BACH2: variants seen among roughly 807,000 people sequenced by gnomAD.
BACH2 encodes the protein transcription regulator protein BACH2.
A neutral mutation model predicts 61.8 loss-of-function variants in BACH2; 5 were observed. That is an observed-to-expected ratio of 0.08 (90% confidence interval 0.04 to 0.17). The LOEUF is 0.17. Among genes scored for constraint, BACH2 ranks in the 10% least tolerant of loss-of-function variants. BACH2 has a pLI of 1.00. For synonymous variants in BACH2, 446 were observed against 440.1 expected (o/e 1.01, Z -0.17); for missense variants, 824 against 1,091.1 (o/e 0.76, Z 3.45).
intron 1 of BACH2, among the ~76,000 whole-genome samples, chr6:90,280,117 T>C (rs1771813870): frequency 6.6e-6 from 1 of 152,156 alleles, no homozygotes; most frequent in African/African-American, 2.4e-5. Context: ...ATGGACTATG[T>C]ATAAGAAGAA....
chr6:90,137,670 T>C lies in BACH2; in HGVS notation c.-161-48561A>G, dbSNP rs556899900. 3.9e-5 allele frequency among the ~76,000 whole-genome samples: 6 copies of C among 152,348 alleles called. No individual in the cohort carries two copies. The South Asian group carries it at 1.2e-3, about 32-fold the overall frequency. On this transcript the variant is annotated intron_variant, in intron 4 of 8. Transcript: ENST00000257749. ...CTCCATGAGCTCATTTTTCTATGAT[T>C]TGTTGGACATTTTTATGTGGCTTTT...
chr6:90,173,834 C>G (rs1316102858), intron 4 of BACH2, among the ~76,000 whole-genome samples: 1 of 152,040 alleles, frequency 6.6e-6, no homozygotes, highest in Non-Finnish European at 1.5e-5. Flanking sequence ...AAAATTATAC[C>G]TTAATAAAGC....
At chr6:90,051,182 T>C (rs1218250125) in intron 5 of BACH2, among the ~76,000 whole-genome samples, 1 of 152,228 alleles carries the variant, frequency 6.6e-6, no homozygotes, top group Non-Finnish European at 1.5e-5. Context: ...GTTAGATTTG[T>C]TCTGAGGTAC....
At chr6:90,152,369 G>A (rs1192551048) in intron 4 of BACH2, among the ~76,000 whole-genome samples, 1 of 152,188 alleles carries the variant, frequency 6.6e-6, no homozygotes, top group African/African-American at 2.4e-5. Flanking sequence ...GAAGGGCTCA[G>A]TGACTGTGTA....
chr6:90,046,782 T>C (rs1342384867), intron 5 of BACH2, among the ~76,000 whole-genome samples: 1 of 150,894 alleles, frequency 6.6e-6, no homozygotes, highest in African/African-American at 2.4e-5. Flanking sequence ...AATGAATGCA[T>C]CAGAGCTACT....
chr6:90,011,000 AC>A (rs1230571248), intron 5 of BACH2, among the ~76,000 whole-genome samples: 1 of 152,144 alleles, frequency 6.6e-6, no homozygotes, highest in Non-Finnish European at 1.5e-5. Context: ...CAGATACATG[AC>A]TTGTAAAAAT....
At chr6:90,290,518 C>T (rs569886867) in intron 1 of BACH2, among the ~76,000 whole-genome samples, 1 of 152,228 alleles carries the variant, frequency 6.6e-6, no homozygotes, top group East Asian at 1.9e-4. Flanking sequence ...GACACTTGGC[C>T]CATTTTGCAC....
At chr6:90,024,970 C>T (rs1301151475) in intron 5 of BACH2, among the ~76,000 whole-genome samples, 4 of 152,154 alleles carry the variant, frequency 2.6e-5, no homozygotes, top group Admixed American at 6.6e-5. Flanking sequence ...TGGAATTAAG[C>T]GGGGTGTCCA....
intron 6 of BACH2, among the ~76,000 whole-genome samples, chr6:89,958,101 A>C (rs754007006): frequency 1.3e-5 from 2 of 152,090 alleles, no homozygotes; most frequent in Non-Finnish European, 2.9e-5. Context: ...TTTACTCCTG[A>C]GACTCTATCT....
chr6:90,073,897 T>A (rs1781358131), intron 5 of BACH2, among the ~76,000 whole-genome samples: 1 of 152,170 alleles, frequency 6.6e-6, no homozygotes, highest in Non-Finnish European at 1.5e-5. Flanking sequence ...TTTAAAGGAT[T>A]TTTTTCTTTC....
intron 3 of BACH2, among the ~76,000 whole-genome samples, chr6:90,245,428 C>G (rs1770600575): frequency 6.6e-6 from 1 of 152,084 alleles, no homozygotes; most frequent in Non-Finnish European, 1.5e-5. Flanking sequence ...CTGTTTCTAA[C>G]AAGAAAATTT....
intron 5 of BACH2, among the ~76,000 whole-genome samples, chr6:90,084,773 G>A (rs1043691757): frequency 9.2e-5 from 14 of 151,798 alleles, no homozygotes; most frequent in Non-Finnish European, 2.9e-5. Context: ...ATATATAATG[G>A]TTCTGCTATA....
At chr6:89,984,792 TTAAA>T (rs1776148037) in intron 6 of BACH2, among the ~76,000 whole-genome samples, 1 of 152,184 alleles carries the variant, frequency 6.6e-6, no homozygotes, top group South Asian at 2.1e-4. Flanking sequence ...ATTTTCTTCT[TTAAA>T]TATAGTTTAA....
At chr6:90,221,131 C>G (rs117858953) in intron 3 of BACH2, among the ~76,000 whole-genome samples, 4 of 152,364 alleles carry the variant, frequency 2.6e-5, no homozygotes, top group Non-Finnish European at 5.9e-5. Context: ...GCTTTCCAAA[C>G]TTGTTCTGAA....
At position 90,105,633 on chromosome 6, in the gene BACH2, G is replaced by GT. The variant is rs752487285; in HGVS notation, c.-161-16525_-161-16524insA. On this transcript the variant is annotated intron_variant, in intron 4 of 8. Transcript: ENST00000257749. ...GCATAAATATGATTCTTTTTTAAAG[G>GT]CCCACACATATTACACCCACTTTCA... 5.9e-5 allele frequency among the ~76,000 whole-genome samples: 9 copies of GT among 152,228 alleles called. No homozygotes were observed. In the East Asian group the frequency reaches 1.2e-3, roughly 20 times the overall value.
intron 4 of BACH2, among the ~76,000 whole-genome samples, chr6:90,125,989 G>A (rs1417980972): frequency 2.0e-5 from 3 of 152,196 alleles, no homozygotes; most frequent in African/African-American, 7.2e-5. Flanking sequence ...ACTATGCCAG[G>A]TGGCCAGGAG....
chr6:89,929,881 T>C lies in BACH2; in HGVS notation c.*2527A>G, dbSNP rs1278514295. The C allele has an allele frequency of 6.6e-6, 1 of 152,276 alleles. No individual in the cohort carries two copies. Among genetic ancestry groups the C allele is most frequent in the African/African-American group, 2.4e-5 (1 of 41,416 alleles). The allele number at this position is 152,276 out of a possible 1,614,324, so 9.4% of individuals were successfully genotyped here. A position where few individuals can be genotyped will look rare whatever the true frequency, so the allele number is the denominator to read the frequency against. ...TTTTAAAAGAAGAGGAGAGGTCACT[T>C]GGAAAGGCAACAATAGAGTTAAAAA... On this transcript the variant is annotated 3_prime_UTR_variant, in exon 9 of 9. Transcript: ENST00000257749.
At chr6:89,973,726 G>T (rs6930382) in intron 6 of BACH2, among the ~76,000 whole-genome samples, 43,152 of 151,652 alleles carry the variant, frequency 0.28, 6,833 homozygotes, top group African/African-American at 0.43. Context: ...CTAGCTGGTT[G>T]CCTAGAGGAG....
In BACH2 at chr6:89,927,081, T is replaced by C. The variant is rs1772392938; in HGVS notation, c.*5327A>G. On this transcript the variant is annotated 3_prime_UTR_variant, in exon 9 of 9. Coordinates refer to ENST00000257749, the MANE Select transcript of BACH2 (RefSeq NM_021813.4). The stretch of plus-strand genomic sequence containing the variant: ...CCTCTGGAGTTTGTAAGGCATATAT[T>C]AGAGGTGCACTTGCATCAGACTGGT... The C allele has an allele frequency of 6.5e-6, 1 of 152,782 alleles. No homozygotes were observed. The highest frequency in any genetic ancestry group is 2.4e-5 in the African/African-American group (1 of 41,450). The allele number at this position is 152,782 out of a possible 1,614,324, so 9.5% of individuals were successfully genotyped here.
Sources: allele counts gnomAD v4.1 joint callset (sites outside exome capture counted in the v4.1 genomes callset), GRCh38; gene constraint gnomAD v4.1.1; transcripts MANE v1.5; gene names NCBI Gene and HGNC (gene_info 2026-07-23, HGNC 2026-07-21).